Variants in PTPRN2 observed in about 807,000 individuals in gnomAD.
The protein encoded by PTPRN2 is receptor-type tyrosine-protein phosphatase N2.
PTPRN2 carries 74 observed loss-of-function variants against 118.8 expected under a neutral mutation model. The ratio of observed to expected loss-of-function variants is 0.62; its 90% CI spans 0.52 to 0.76. PTPRN2 has a LOEUF of 0.76. Among genes scored for constraint, PTPRN2 ranks in the 30% least tolerant of loss-of-function variants. PTPRN2 has a pLI of 0.00. For missense variants in PTPRN2, 1,481 were observed against 1,394.4 expected (o/e 1.06, Z -0.99); for synonymous variants, 641 against 608.0 (o/e 1.05, Z -0.80).
intron 9 of PTPRN2, among the ~76,000 whole-genome samples, chr7:158,119,709 A>G (rs755820032): frequency 1.3e-5 from 2 of 152,154 alleles, no homozygotes; most frequent in Admixed American, 1.3e-4. Context: ...TGTTAATCTC[A>G]TACTCTAATT....
chr7:157,873,436 G>A (rs529828410), intron 12 of PTPRN2, among the ~76,000 whole-genome samples: 4 of 152,198 alleles, frequency 2.6e-5, no homozygotes, highest in Admixed American at 6.5e-5. Flanking sequence ...TGCTGGGAGC[G>A]TCTGCAAGGT....
intron 2 of PTPRN2, among the ~76,000 whole-genome samples, chr7:158,432,873 G>A (rs1471559148): frequency 1.3e-5 from 2 of 152,170 alleles, no homozygotes; most frequent in Admixed American, 1.3e-4. Context: ...ACAGGAACGA[G>A]GAAGGGGGAA....
At chr7:158,269,726 A>G (rs1798164649) in intron 3 of PTPRN2, among the ~76,000 whole-genome samples, 1 of 149,206 alleles carries the variant, frequency 6.7e-6, no homozygotes, top group Admixed American at 6.7e-5. Context: ...ACCAAGAGAC[A>G]GAAACAGAGA....
intron 6 of PTPRN2, 80 bp from the exon 7 acceptor site, chr7:158,138,595 G>A: frequency 7.2e-7 from 1 of 1,388,378 alleles, no homozygotes; most frequent in Non-Finnish European, 9.9e-7. Context: ...TAGGGGTGTG[G>A]TGGGCGTCTG....
At chr7:158,177,897 T>A (rs780099651) in intron 5 of PTPRN2, among the ~76,000 whole-genome samples, 1 of 152,214 alleles carries the variant, frequency 6.6e-6, no homozygotes, top group Non-Finnish European at 1.5e-5. Flanking sequence ...GATGGAGGGA[T>A]CACAGGCAAG....
intron 6 of PTPRN2, among the ~76,000 whole-genome samples, chr7:158,153,132 T>A (rs1401519510): frequency 6.6e-6 from 1 of 152,044 alleles, no homozygotes; most frequent in Non-Finnish European, 1.5e-5. Context: ...AGCGGAACGA[T>A]GCCGAGTGTG....
chr7:158,035,443 G>T (rs924691870), intron 11 of PTPRN2, among the ~76,000 whole-genome samples: 1 of 152,248 alleles, frequency 6.6e-6, no homozygotes, highest in African/African-American at 2.4e-5. Flanking sequence ...CAAAGAGCAG[G>T]CAAGGGAGGC....
At chr7:158,140,747 A>G (rs1819297701) in intron 6 of PTPRN2, among the ~76,000 whole-genome samples, 1 of 152,182 alleles carries the variant, frequency 6.6e-6, no homozygotes, top group African/African-American at 2.4e-5. Flanking sequence ...TTCCAGGCCC[A>G]CATGCGTCCA....
intron 9 of PTPRN2, among the ~76,000 whole-genome samples, chr7:158,117,042 A>G (rs1349150335): frequency 6.7e-6 from 1 of 148,276 alleles, no homozygotes; most frequent in East Asian, 2.0e-4. Context: ...GAAACAAGAA[A>G]CTACAGCCCA....
rs76140511 is a variant in PTPRN2, at chr7:158,102,209, C to A, written c.1643+8620G>T. 5.1e-3 allele frequency among the ~76,000 whole-genome samples: 774 copies of A among 152,342 alleles called. 26 individuals are homozygous for A. The East Asian group carries it at 0.099, about 19-fold the overall frequency. ...GCCAGGAGGGAACCTTCAGAAAACA[C>A]TGAGCCCCTGTGCGCCTGAGCCACG... On this transcript the variant is annotated intron_variant, in intron 10 of 22. Coordinates refer to ENST00000389418, the MANE Select transcript of PTPRN2 (RefSeq NM_002847.5).
At chr7:158,157,901 G>T (rs889350443) in intron 6 of PTPRN2, among the ~76,000 whole-genome samples, 18 of 152,224 alleles carry the variant, frequency 1.2e-4, no homozygotes, top group African/African-American at 3.6e-4. Flanking sequence ...AAGGCACTTT[G>T]ATAACATAGG....
chr7:158,073,171 A>G (rs1247428168), intron 11 of PTPRN2, among the ~76,000 whole-genome samples: 1 of 152,222 alleles, frequency 6.6e-6, no homozygotes, highest in Non-Finnish European at 1.5e-5. Context: ...CTTTGCACTC[A>G]GAACCATCTC....
intron 12 of PTPRN2, among the ~76,000 whole-genome samples, chr7:157,752,310 CTT>C (rs1214728544): frequency 6.6e-6 from 1 of 152,212 alleles, no homozygotes; most frequent in African/African-American, 2.4e-5. Context: ...CATGACCTGA[CTT>C]TGCATCCCAG....
chr7:158,207,076 G>C (rs1225510425), intron 3 of PTPRN2, among the ~76,000 whole-genome samples: 1 of 147,470 alleles, frequency 6.8e-6, no homozygotes, highest in Non-Finnish European at 1.5e-5. Context: ...TTTTGTTCTT[G>C]CGATAGTTTA....
At chr7:157,935,775 G>C (rs1377816419) in intron 11 of PTPRN2, among the ~76,000 whole-genome samples, 2 of 151,226 alleles carry the variant, frequency 1.3e-5, no homozygotes, top group Non-Finnish European at 2.9e-5. Flanking sequence ...ATCGGCATCT[G>C]TGTCACTCCC....
chr7:158,325,455 T>C (rs1803423945), intron 2 of PTPRN2, among the ~76,000 whole-genome samples: 1 of 152,252 alleles, frequency 6.6e-6, no homozygotes, highest in African/African-American at 2.4e-5. Context: ...ATTTAGTATT[T>C]CAAAGTGAGG....
At chr7:157,891,640 C>T (rs1020420070) in intron 12 of PTPRN2, among the ~76,000 whole-genome samples, 1 of 152,026 alleles carries the variant, frequency 6.6e-6, no homozygotes, top group Non-Finnish European at 1.5e-5. Context: ...GGTTCATAGA[C>T]TTTTAAGGGA....
chr7:158,523,237 G>T (rs1410942567), intron 1 of PTPRN2, among the ~76,000 whole-genome samples: 1 of 152,182 alleles, frequency 6.6e-6, no homozygotes, highest in Non-Finnish European at 1.5e-5. Context: ...GGGCGGGGGT[G>T]GTGGGTGAGC....
In PTPRN2 at chr7:157,610,564, C is replaced by T. The variant is rs780870551; in HGVS notation, c.2345-6489G>A. ...GTCTGAGGGCTGCAAAGGCACATCCCGGGGCTGCTGGCCGTCAGCAAGGGC... is the reference window on the plus strand; with the variant it reads ...GTCTGAGGGCTGCAAAGGCACATCCTGGGGCTGCTGGCCGTCAGCAAGGGC... On this transcript the variant is annotated intron_variant, in intron 15 of 22. Transcript: ENST00000389418. This position sits in a 1 kb window ranked among gnomAD's most constrained non-coding sequence, Gnocchi z 5.1. Among the ~76,000 whole-genome samples, 1 of 152,170 alleles carries T rather than the reference C, an allele frequency of 6.6e-6. No individual in the cohort carries two copies. Among genetic ancestry groups the T allele is most frequent in the African/African-American group, 2.4e-5 (1 of 41,436 alleles).
Sources: gnomAD v4.1 joint callset for allele counts (sites outside exome capture counted in the v4.1 genomes callset) on GRCh38, gnomAD v4.1.1 for gene constraint, Gnocchi (gnomAD v3.1) non-coding constraint, MANE v1.5 for transcripts, NCBI Gene and HGNC (gene_info 2026-07-23, HGNC 2026-07-21) for gene names.